The following WDR4 variants were observed in gnomAD, a reference collection of about 807,000 sequenced individuals.
WDR4 encodes the protein tRNA (guanine-N(7)-)-methyltransferase non-catalytic subunit WDR4.
A neutral mutation model predicts 48.6 loss-of-function variants in WDR4; 47 were observed. The ratio of observed to expected loss-of-function variants is 0.97; its 90% CI spans 0.77 to 1.23. WDR4 has a LOEUF of 1.23. Ranked by LOEUF, WDR4 falls within the 50% of genes most tolerant of loss-of-function variation. The probability of loss-of-function intolerance (pLI) is 0.00; values close to 1 mark genes in which losing one functional copy is unlikely to be tolerated. For missense variants in WDR4, 606 were observed against 551.6 expected, an observed-to-expected ratio of 1.10 and a Z score of -0.99; for synonymous variants, 268 against 230.0, an observed-to-expected ratio of 1.17 and a Z score of -1.49.
At chr21:42,873,820 T>C (rs902126384) in intron 2 of WDR4, 129 bp from the exon 3 acceptor site, 1 of 1,052,118 alleles carries the variant, frequency 9.5e-7, no homozygotes. Context: ...GTAGCCAAAA[T>C]ACAGACATAT....
In WDR4 at chr21:42,862,185, G is replaced by T; in HGVS notation, c.566+97C>A. On this transcript the variant is annotated intron_variant, in intron 5 of 10. Transcript: ENST00000398208. The surrounding 1 kb of genome is among the most constrained non-coding windows in gnomAD (Gnocchi z 4.3). ...CACGGGGGCTGCTGTCACCCGCGTG[G>T]GGCCTCGCCAGCTACAACGGCACCT... 8.8e-7 allele frequency: 1 copy of T among 1,141,702 alleles called. No individual in the cohort carries two copies. The highest frequency in any genetic ancestry group is 1.2e-6 in the Non-Finnish European group (1 of 804,042). The allele number at this position is 1,141,702 out of a possible 1,614,324, so 70.7% of individuals were successfully genotyped here. A position where few individuals can be genotyped will look rare whatever the true frequency, so the allele number is the denominator to read the frequency against.
chr21:42,887,959 T>A, the WDR4 span, among the ~76,000 whole-genome samples: 2 of 152,144 alleles, frequency 1.3e-5, no homozygotes, highest in Non-Finnish European at 2.9e-5. Flanking sequence ...AAAGTTTTTA[T>A]AAATTTTAAT....
intron 4 of WDR4, among the ~76,000 whole-genome samples, chr21:42,863,211 C>T (rs1001831877): frequency 3.9e-5 from 6 of 152,190 alleles, no homozygotes; most frequent in South Asian, 2.1e-4. Flanking sequence ...GTCCCTGCTA[C>T]GGGGGAGCCC....
intron 6 of WDR4, 147 bp from the exon 7 acceptor site, chr21:42,855,927 CTG>C (rs958147229): frequency 5.8e-6 from 3 of 517,150 alleles, no homozygotes; most frequent in African/African-American, 1.9e-5. Context: ...TCTGCTCTGA[CTG>C]TGTAAATCGC....
intron 3 of WDR4, among the ~76,000 whole-genome samples, chr21:42,868,863 T>C (rs578062492): frequency 6.6e-6 from 1 of 152,384 alleles, no homozygotes; most frequent in South Asian, 2.1e-4. Context: ...ACACCTCTGC[T>C]GTCCCAGTTG....
chr21:42,851,811 G>T (rs1377551665), intron 10 of WDR4, among the ~76,000 whole-genome samples: 2 of 152,148 alleles, frequency 1.3e-5, no homozygotes, highest in African/African-American at 4.8e-5. Context: ...TCAGCCTCCT[G>T]AAGACCCCCG....
rs191020260 is a variant in WDR4, at chr21:42,851,596, T to A, written c.1045+659A>T. ...AATCCATCCTGCAGACACCATCACC[T>A]CCAAGACTGCAAGGTGCTGGCACAA... On this transcript the variant is annotated intron_variant, in intron 10 of 10. Transcript: ENST00000398208. 2.1e-3 allele frequency among the ~76,000 whole-genome samples: 317 copies of A among 152,230 alleles called. 1 individual carries two copies. Among genetic ancestry groups the A allele is most frequent in the Non-Finnish European group, 2.9e-3 (195 of 68,016 alleles).
chr21:42,843,928 C>A (rs2057688121), intron 11 of WDR4, among the ~76,000 whole-genome samples: 1 of 152,186 alleles, frequency 6.6e-6, no homozygotes, highest in Non-Finnish European at 1.5e-5. Flanking sequence ...TGGGCTCAAG[C>A]AATCCCCCTG....
downstream of WDR4, among the ~76,000 whole-genome samples, chr21:42,848,690 GATCACGCGGCGCA>G (rs1158634849): frequency 9.7e-6 from 1 of 102,682 alleles, no homozygotes; most frequent in African/African-American, 3.8e-5. Flanking sequence ...CACAGCGCAC[GATCACGCGGCGCA>G]CACCTCACTC....
intron 3 of WDR4, among the ~76,000 whole-genome samples, chr21:42,870,417 G>C (rs1485213160): frequency 6.6e-6 from 1 of 152,162 alleles, no homozygotes; most frequent in Non-Finnish European, 1.5e-5. Flanking sequence ...CACAAAGTCT[G>C]TGCTTTCACA....
At chr21:42,850,296 G>A (rs2057791093) in intron 10 of WDR4, 54 bp from the exon 11 acceptor site, 1 of 1,490,532 alleles carries the variant, frequency 6.7e-7, no homozygotes, top group Non-Finnish European at 9.0e-7. Flanking sequence ...ATGGGACTCG[G>A]CCACCACAGC....
the WDR4 span, among the ~76,000 whole-genome samples, chr21:42,887,464 TG>T: frequency 6.6e-6 from 1 of 152,088 alleles, no homozygotes; most frequent in African/African-American, 2.4e-5. Flanking sequence ...TACTGCAATA[TG>T]CAATTTGGAG....
downstream of WDR4, among the ~76,000 whole-genome samples, chr21:42,845,867 TCA>T (rs372544267): frequency 2.4e-4 from 36 of 152,324 alleles, 1 homozygote; most frequent in East Asian, 6.4e-3. Context: ...GGGCAGTGGC[TCA>T]CACCTGTAAT....
At chr21:42,886,754 G>A in the WDR4 span, 1 of 152,244 alleles carries the variant, frequency 6.6e-6, no homozygotes, top group African/African-American at 2.4e-5. Flanking sequence ...TGGTCTGTAA[G>A]TGTCTATATG....
rs937450798 is a variant in WDR4 at position 42,863,688 on chromosome 21, G to A, written c.297-92C>T. On this transcript the variant is annotated intron_variant, in intron 3 of 10. Transcript: ENST00000398208. ...GGCCACGTGGGCGGTGGCAGGCACC[G>A]GTACCTGGCCATATGCTCTGTTTTC... The A allele has an allele frequency of 1.5e-4, 209 of 1,398,190 alleles. 1 individual carries two copies. In the Middle Eastern group the frequency reaches 1.9e-3, roughly 13 times the overall value. The allele number at this position is 1,398,190 out of a possible 1,614,324, so 86.6% of individuals were successfully genotyped here.
the WDR4 span, among the ~76,000 whole-genome samples, chr21:42,885,145 C>G: frequency 6.6e-6 from 1 of 152,130 alleles, no homozygotes; most frequent in East Asian, 1.9e-4. Flanking sequence ...AATTGTCTCT[C>G]CATGAATAAA....
At position 42,850,023 on chromosome 21, in the gene WDR4, G is replaced by A. The variant is rs371860340; in HGVS notation, c.*26C>T. The A allele has an allele frequency of 1.9e-6, 3 of 1,605,882 alleles. No homozygotes were observed. The highest frequency in any genetic ancestry group is 2.5e-6 in the Non-Finnish European group (3 of 1,178,050). ...GTTAAAAAGCTTTTCCTAATTTGAGGTGAGAGACACCACTGACCGCCACGA... is the reference window on the plus strand; with the variant it reads ...GTTAAAAAGCTTTTCCTAATTTGAGATGAGAGACACCACTGACCGCCACGA... On this transcript the variant is annotated 3_prime_UTR_variant, in exon 11 of 11. Transcript: ENST00000398208.
chr21:42,860,244 G>A (rs546892767), intron 5 of WDR4, among the ~76,000 whole-genome samples: 1 of 152,340 alleles, frequency 6.6e-6, no homozygotes, highest in East Asian at 1.9e-4. Context: ...CGGCCCCTCA[G>A]CAACAACTCT....
At chr21:42,873,087 TA>T (rs1378359123) in intron 3 of WDR4, among the ~76,000 whole-genome samples, 1 of 152,204 alleles carries the variant, frequency 6.6e-6, no homozygotes, top group East Asian at 1.9e-4. Context: ...ACTCTTCAGA[TA>T]CTCAGACATA....
Sources: gnomAD v4.1 joint callset for allele counts (sites outside exome capture counted in the v4.1 genomes callset) on GRCh38, gnomAD v4.1.1 for gene constraint, Gnocchi (gnomAD v3.1) non-coding constraint, MANE v1.5 for transcripts, NCBI Gene and HGNC (gene_info 2026-07-23, HGNC 2026-07-21) for gene names.